Variants in MYO16 observed in about 807,000 individuals in gnomAD.
The protein encoded by MYO16 is myosin XVI.
MYO16 carries 94 observed loss-of-function variants against 205.3 expected under a neutral mutation model. That is an observed-to-expected ratio of 0.46 (90% CI 0.39 to 0.54). The LOEUF is 0.54. Among genes scored for constraint, MYO16 ranks in the 20% least tolerant of loss-of-function variants. The pLI, the probability that MYO16 is intolerant of heterozygous loss-of-function variation, is 0.00. For missense variants in MYO16, 2,315 were observed against 2,387.5 expected, an observed-to-expected ratio of 0.97 and a Z score of 0.63; for synonymous variants, 988 against 954.0, an observed-to-expected ratio of 1.04 and a Z score of -0.66.
At chr13:108,727,984 T>C (rs1884398386) in intron 4 of MYO16, among the ~76,000 whole-genome samples, 1 of 152,218 alleles carries the variant, frequency 6.6e-6, no homozygotes, top group African/African-American at 2.4e-5. Context: ...TAAAGAAGTG[T>C]CTACAATGTT....
chr13:108,508,982 C>A, the MYO16 span, among the ~76,000 whole-genome samples: 7 of 152,312 alleles, frequency 4.6e-5, no homozygotes, highest in South Asian at 1.2e-3. Context: ...GACACCATTG[C>A]TCTCATTAGC....
At chr13:108,644,578 A>G (rs1880668309) in intron 1 of MYO16, among the ~76,000 whole-genome samples, 1 of 152,188 alleles carries the variant, frequency 6.6e-6, no homozygotes, top group Non-Finnish European at 1.5e-5. Context: ...TGCTTTGTAA[A>G]GAAGAAATTC....
At chr13:108,565,421 T>C in the MYO16 span, among the ~76,000 whole-genome samples, 1 of 152,222 alleles carries the variant, frequency 6.6e-6, no homozygotes, top group African/African-American at 2.4e-5. Flanking sequence ...CCTGGATATT[T>C]AATTATATTT....
At chr13:109,080,110 C>T (rs551174240) in intron 27 of MYO16, among the ~76,000 whole-genome samples, 5 of 151,890 alleles carry the variant, frequency 3.3e-5, no homozygotes, top group African/African-American at 1.2e-4. Context: ...CTCCTGACCT[C>T]GTGATCCACC....
At chr13:108,874,212 T>TTA (rs1555307869) in intron 12 of MYO16, among the ~76,000 whole-genome samples, 1 of 151,448 alleles carries the variant, frequency 6.6e-6, no homozygotes, top group Non-Finnish European at 1.5e-5. Context: ...GGTTTTTTTT[T>TTA]AAAAAGCATC....
At chr13:109,014,054 T>C (rs1194508690) in intron 22 of MYO16, among the ~76,000 whole-genome samples, 1 of 152,248 alleles carries the variant, frequency 6.6e-6, no homozygotes, top group Admixed American at 6.5e-5. Flanking sequence ...GCCTATGTCC[T>C]GAATGGTATT....
intron 22 of MYO16, among the ~76,000 whole-genome samples, chr13:109,014,982 G>T (rs1205037710): frequency 1.3e-5 from 2 of 152,180 alleles, no homozygotes; most frequent in Non-Finnish European, 2.9e-5. Context: ...TGCCCTGGCA[G>T]AACTTCCAAC....
At chr13:109,094,205 C>T (rs1275776762) in intron 27 of MYO16, among the ~76,000 whole-genome samples, 1 of 152,084 alleles carries the variant, frequency 6.6e-6, no homozygotes, top group African/African-American at 2.4e-5. Context: ...TTATTTGACA[C>T]ACTTCCTTAT....
chr13:108,919,303 C>T (rs1386263300), intron 16 of MYO16, among the ~76,000 whole-genome samples: 1 of 152,266 alleles, frequency 6.6e-6, no homozygotes, highest in Non-Finnish European at 1.5e-5. Flanking sequence ...ACCTTGGTGC[C>T]TCTTCAATCT....
intron 22 of MYO16, among the ~76,000 whole-genome samples, chr13:109,016,854 A>G (rs9587746): frequency 0.017 from 2,572 of 151,738 alleles, 76 homozygotes; most frequent in African/African-American, 0.059. Flanking sequence ...GAGCCTATAT[A>G]TGTCTCTGCA....
chr13:108,951,413 T>A (rs1883145453), intron 16 of MYO16, among the ~76,000 whole-genome samples: 1 of 152,158 alleles, frequency 6.6e-6, no homozygotes, highest in African/African-American at 2.4e-5. Flanking sequence ...GGGCGTCTGA[T>A]GATGAACACT....
Position 108,636,343 on chromosome 13 carries a change from TC to T in MYO16, c.28+6474del, listed in dbSNP as rs2139366900. Among the ~76,000 whole-genome samples the T allele has an allele frequency of 3.5e-5, 4 of 115,902 alleles. No homozygotes were observed. In the South Asian group the frequency reaches 1.5e-3, roughly 44 times the overall value. The allele number at this position is 115,902 out of a possible 152,430, so 76.0% of individuals were successfully genotyped here. A position where few individuals can be genotyped will look rare whatever the true frequency, so the allele number is the denominator to read the frequency against. ...AACTAGTCTTAAATGAAAAAATATT[TC>T]CCTTTTTTTTTTTTTTTTTTTTTTT... On this transcript the variant is annotated intron_variant, in intron 1 of 34. Coordinates refer to ENST00000457511, the MANE Select transcript of MYO16 (RefSeq NM_001198950.3).
chr13:109,050,865 C>T (rs1666318899), intron 24 of MYO16, among the ~76,000 whole-genome samples: 1 of 144,260 alleles, frequency 6.9e-6, no homozygotes, highest in Non-Finnish European at 1.5e-5. Flanking sequence ...AGTCTCTTGA[C>T]TTTTTTTTTT....
chr13:108,948,180 A>G lies in MYO16; in HGVS notation c.1926-9508A>G, dbSNP rs539378735. ...CATGGGCAAAAAGCAGCACTTGGCC[A>G]TCGTCATTAGCAAAGTGTGCTGTCT... On this transcript the variant is annotated intron_variant, in intron 16 of 34. Transcript: ENST00000457511. Among the ~76,000 whole-genome samples the G allele has an allele frequency of 5.3e-5, 8 of 152,380 alleles. No homozygotes were observed. The East Asian group carries it at 7.7e-4, about 15-fold the overall frequency.
chr13:109,198,284 T>A (rs752496935), intron 34 of MYO16, among the ~76,000 whole-genome samples: 4 of 152,110 alleles, frequency 2.6e-5, no homozygotes, highest in African/African-American at 4.8e-5. Flanking sequence ...CGCAAATAAA[T>A]TTTAAATTGT....
intron 20 of MYO16, among the ~76,000 whole-genome samples, chr13:108,987,318 T>C (rs1884675214): frequency 6.6e-6 from 1 of 152,198 alleles, no homozygotes; most frequent in African/African-American, 2.4e-5. Context: ...AAGTCTCAAG[T>C]ACTTTCTTCA....
intron 11 of MYO16, among the ~76,000 whole-genome samples, chr13:108,859,948 C>T (rs1878373952): frequency 6.6e-6 from 1 of 152,068 alleles, no homozygotes; most frequent in Non-Finnish European, 1.5e-5. Context: ...AGTACACAGC[C>T]TCACTCATTT....
chr13:108,526,600 C>T, the MYO16 span, among the ~76,000 whole-genome samples: 55 of 152,230 alleles, frequency 3.6e-4, 1 homozygote, highest in Non-Finnish European at 1.0e-4. Flanking sequence ...AGAATCTTTA[C>T]AAACGAAATC....
intron 27 of MYO16, among the ~76,000 whole-genome samples, chr13:109,058,235 A>G (rs1464567132): frequency 2.6e-5 from 4 of 152,010 alleles, no homozygotes; most frequent in African/African-American, 2.4e-5. Flanking sequence ...CCCCCAGCCA[A>G]ATGTTGAAAG....
Sources: gnomAD v4.1 joint callset for allele counts (sites outside exome capture counted in the v4.1 genomes callset) on GRCh38, gnomAD v4.1.1 for gene constraint, MANE v1.5 for transcripts, NCBI Gene and HGNC (gene_info 2026-07-23, HGNC 2026-07-21) for gene names.